The following RNF11 variants were observed in gnomAD, a reference collection of about 807,000 sequenced individuals.
RNF11 encodes the protein ring finger protein 11.
RNF11 carries 4 observed loss-of-function variants against 15.8 expected under a neutral mutation model. That is an observed-to-expected ratio of 0.25 (90% confidence interval 0.12 to 0.58). RNF11 has a LOEUF of 0.58. Among genes scored for constraint, RNF11 ranks in the 20% least tolerant of loss-of-function variants. The pLI, the probability that RNF11 is intolerant of heterozygous loss-of-function variation, is 0.91. For missense variants in RNF11, 139 were observed against 194.4 expected (o/e 0.71, Z 1.70); for synonymous variants, 68 against 72.3 (o/e 0.94, Z 0.30).
rs570781998 is a variant in RNF11, at chr1:51,245,152, C to T, written c.123+8273C>T. Among the ~76,000 whole-genome samples the T allele has an allele frequency of 7.2e-5, 11 of 152,162 alleles. No homozygotes were observed. The East Asian group carries it at 1.5e-3, about 21-fold the overall frequency. ...ACGGCTCACTGAAGCCTCAACCTCACGGGCCCAAGCCATCCTCCCACCTCA... is the reference window on the plus strand; with the variant it reads ...ACGGCTCACTGAAGCCTCAACCTCATGGGCCCAAGCCATCCTCCCACCTCA... On this transcript the variant is annotated intron_variant, in intron 1 of 2. Coordinates refer to ENST00000242719, the MANE Select transcript of RNF11 (RefSeq NM_014372.5).
intron 1 of RNF11, among the ~76,000 whole-genome samples, chr1:51,242,484 A>G (rs1646834056): frequency 6.6e-6 from 1 of 152,040 alleles, no homozygotes; most frequent in Middle Eastern, 3.2e-3. Context: ...AACAAAAACA[A>G]AAAACAAACA....
intron 1 of RNF11, among the ~76,000 whole-genome samples, chr1:51,253,884 A>G (rs1646892296): frequency 6.6e-6 from 1 of 152,096 alleles, no homozygotes; most frequent in South Asian, 2.1e-4. Flanking sequence ...CTGTAATCCT[A>G]GCACTTTGGG....
chr1:51,262,098 A>G (rs1569678164), intron 1 of RNF11, among the ~76,000 whole-genome samples: 1 of 151,900 alleles, frequency 6.6e-6, no homozygotes, highest in Non-Finnish European at 1.5e-5. Flanking sequence ...CAGGTGATCC[A>G]CCCGCCTTGG....
chr1:51,252,206 T>G (rs1646882242), intron 1 of RNF11, among the ~76,000 whole-genome samples: 7 of 152,128 alleles, frequency 4.6e-5, no homozygotes, highest in Admixed American at 4.6e-4. Context: ...GAATGCAATA[T>G]GTTATACATG....
At chr1:51,264,317 T>TATATACAC (rs376694497) in intron 1 of RNF11, among the ~76,000 whole-genome samples, 4 of 75,520 alleles carry the variant, frequency 5.3e-5, no homozygotes, top group African/African-American at 1.7e-4. Flanking sequence ...TATATATATA[T>TATATACAC]ACACACACAC....
intron 1 of RNF11, chr1:51,251,367 C>T (rs913182235): frequency 6.3e-5 from 94 of 1,488,110 alleles, no homozygotes; most frequent in Middle Eastern, 2.3e-4. Context: ...TCTACGGCTG[C>T]GACCCCGGCC....
chr1:51,255,379 C>T (rs1646899820), intron 1 of RNF11, among the ~76,000 whole-genome samples: 1 of 152,194 alleles, frequency 6.6e-6, no homozygotes, highest in Non-Finnish European at 1.5e-5. Context: ...CCTGCCTCAG[C>T]CTCCTGAGTA....
chr1:51,243,294 G>T (rs1341105041), intron 1 of RNF11, among the ~76,000 whole-genome samples: 1 of 152,108 alleles, frequency 6.6e-6, no homozygotes, highest in Non-Finnish European at 1.5e-5. Flanking sequence ...TTCTTACCTT[G>T]TAAGGTCACC....
chr1:51,243,597 C>T (rs1646839770), intron 1 of RNF11, among the ~76,000 whole-genome samples: 1 of 152,142 alleles, frequency 6.6e-6, no homozygotes, highest in Admixed American at 6.5e-5. Context: ...CGCCACCACA[C>T]CCAGCTAATT....
chr1:51,239,650 A>G (rs547168115), intron 1 of RNF11, among the ~76,000 whole-genome samples: 1 of 152,204 alleles, frequency 6.6e-6, no homozygotes, highest in African/African-American at 2.4e-5. Context: ...TCCTGGCTTC[A>G]GGTGATCCTC....
chr1:51,247,459 T>G (rs921047506), intron 1 of RNF11, among the ~76,000 whole-genome samples: 1 of 151,858 alleles, frequency 6.6e-6, no homozygotes, highest in Non-Finnish European at 1.5e-5. Context: ...TTTTTGTTTT[T>G]TTTTTTTGTA....
chr1:51,239,674 C>G (rs893755869), intron 1 of RNF11, among the ~76,000 whole-genome samples: 4 of 152,144 alleles, frequency 2.6e-5, no homozygotes, highest in African/African-American at 9.7e-5. Flanking sequence ...CCTCAGCCTC[C>G]CAAAGACTGG....
In RNF11 at chr1:51,250,816, AGTC is replaced by A. The variant is rs1017799822; in HGVS notation, c.123+13938_123+13940del. 5.0e-5 allele frequency: 70 copies of A among 1,403,650 alleles called. No homozygotes were observed. The African/African-American group carries it at 8.9e-4, about 18-fold the overall frequency. 86.9% of individuals were successfully genotyped at this position (1,403,650 alleles called of 1,614,324 possible). Reference sequence around the variant, plus strand: ...GTGCAGCCCCAGGCTGAGGTGCAGCAGTCATCGATACCAGCCATCATGAGCAGC... The same window carrying A: ...GTGCAGCCCCAGGCTGAGGTGCAGCAATCGATACCAGCCATCATGAGCAGC... On this transcript the variant is annotated intron_variant, in intron 1 of 2. Coordinates refer to ENST00000242719, the MANE Select transcript of RNF11 (RefSeq NM_014372.5).
At chr1:51,267,654 TCAGAGGGGAAG>T (rs1443969484) in intron 1 of RNF11, among the ~76,000 whole-genome samples, 1 of 152,228 alleles carries the variant, frequency 6.6e-6, no homozygotes, top group Non-Finnish European at 1.5e-5. Flanking sequence ...TTCCTGATTC[TCAGAGGGGAAG>T]CAGGTGTTGA....
At chr1:51,270,384 C>T (rs7340084) in intron 2 of RNF11, among the ~76,000 whole-genome samples, 1 of 151,724 alleles carries the variant, frequency 6.6e-6, no homozygotes, top group South Asian at 2.1e-4. Flanking sequence ...AGGCTGAGGT[C>T]GGGGGATCAC....
Position 51,264,259 on chromosome 1 carries a change from C to CA in RNF11, c.124-5668dup, listed in dbSNP as rs1158509807. On this transcript the variant is annotated intron_variant, in intron 1 of 2. Coordinates refer to ENST00000242719, the MANE Select transcript of RNF11 (RefSeq NM_014372.5). ...TAGGTAACAGAATGAGACCCTATCTCAAAAAAAAAAAAAAAAAAAAAAAAA... is the reference window on the plus strand; with the variant it reads ...TAGGTAACAGAATGAGACCCTATCTCAAAAAAAAAAAAAAAAAAAAAAAAAA... 2.0e-3 allele frequency among the ~76,000 whole-genome samples: 50 copies of CA among 25,506 alleles called. 5 individuals are homozygous for CA. Among genetic ancestry groups the CA allele is most frequent in the African/African-American group, 4.1e-3 (25 of 6,050 alleles). 16.7% of individuals were successfully genotyped at this position (25,506 alleles called of 152,430 possible).
intron 1 of RNF11, among the ~76,000 whole-genome samples, chr1:51,264,279 AAAAAAAAAATATATATATATAT>A (rs1646943530): frequency 2.1e-5 from 2 of 93,876 alleles, no homozygotes; most frequent in African/African-American, 9.5e-5. Flanking sequence ...AAAAAAAAAA[AAAAAAAAAATATATATATATAT>A]ATATATATAT....
intron 1 of RNF11, among the ~76,000 whole-genome samples, chr1:51,257,853 C>CTTTTTTTTT (rs1245365473): frequency 3.4e-4 from 31 of 91,242 alleles, no homozygotes; most frequent in African/African-American, 4.4e-4. Context: ...CTTTTCTTTT[C>CTTTTTTTTT]TTTTTTTTTT....
intron 1 of RNF11, among the ~76,000 whole-genome samples, chr1:51,255,232 G>A (rs1398433175): frequency 6.6e-6 from 1 of 152,106 alleles, no homozygotes; most frequent in African/African-American, 2.4e-5. Flanking sequence ...TCAGCAGTTT[G>A]TACTCTGGAT....
Sources: allele counts gnomAD v4.1 joint callset (sites outside exome capture counted in the v4.1 genomes callset), GRCh38; gene constraint gnomAD v4.1.1; transcripts MANE v1.5; gene names NCBI Gene and HGNC (gene_info 2026-07-23, HGNC 2026-07-21).